Variants in CNIH3 observed in about 807,000 individuals in gnomAD.
The protein encoded by CNIH3 is cornichon family AMPA receptor auxiliary protein 3.
A neutral mutation model predicts 24.1 loss-of-function variants in CNIH3; 14 were observed. The observed-to-expected ratio is 0.58, with a 90% CI of 0.38 to 0.91. The LOEUF (loss-of-function observed/expected upper bound fraction) is 0.91. Among genes scored for constraint, CNIH3 ranks in the 40% least tolerant of loss-of-function variants. CNIH3 has a pLI of 0.00. For missense variants in CNIH3, 178 were observed against 196.8 expected, an observed-to-expected ratio of 0.90 and a Z score of 0.57; for synonymous variants, 68 against 73.8, an observed-to-expected ratio of 0.92 and a Z score of 0.40.
intron 1 of CNIH3, among the ~76,000 whole-genome samples, chr1:224,673,881 G>T (rs895555485): frequency 4.6e-5 from 7 of 152,088 alleles, no homozygotes; most frequent in African/African-American, 1.4e-4. Context: ...GCAGCACAGC[G>T]TGCTGGATGG....
At chr1:224,729,933 C>G (rs1006373610) in intron 3 of CNIH3, among the ~76,000 whole-genome samples, 3 of 152,226 alleles carry the variant, frequency 2.0e-5, no homozygotes, top group Non-Finnish European at 4.4e-5. Context: ...CATCCACCAT[C>G]AGGCAAAATG....
chr1:224,445,046 C>A (rs895358682), intron 1 of CNIH3, among the ~76,000 whole-genome samples: 1 of 151,708 alleles, frequency 6.6e-6, no homozygotes, highest in African/African-American at 2.4e-5. Context: ...GTGAACGTAC[C>A]CGTGAAACCA....
intron 1 of CNIH3, among the ~76,000 whole-genome samples, chr1:224,643,095 G>A (rs781604935): frequency 3.3e-5 from 5 of 152,274 alleles, no homozygotes; most frequent in Non-Finnish European, 5.9e-5. Flanking sequence ...GTTGATGGTC[G>A]AGGCGTGTGT....
At chr1:224,590,026 GC>G (rs1681683335), downstream of CNIH3, among the ~76,000 whole-genome samples, 1 of 152,096 alleles carries the variant, frequency 6.6e-6, no homozygotes, top group African/African-American at 2.4e-5. Context: ...ACAGGCATGA[GC>G]CGCCAGGCCT....
intron 3 of CNIH3, among the ~76,000 whole-genome samples, chr1:224,718,525 T>A (rs1370613217): frequency 6.6e-6 from 1 of 152,046 alleles, no homozygotes; most frequent in Non-Finnish European, 1.5e-5. Flanking sequence ...CATTGGAGGG[T>A]TAAGCCAAAA....
intron 1 of CNIH3, among the ~76,000 whole-genome samples, chr1:224,673,000 G>C (rs1685944492): frequency 3.3e-5 from 5 of 152,064 alleles, no homozygotes; most frequent in Admixed American, 3.3e-4. Context: ...CGAGTCCCTG[G>C]GTATGACTTG....
chr1:224,502,652 A>G (rs1382699114), intron 1 of CNIH3, among the ~76,000 whole-genome samples: 1 of 152,148 alleles, frequency 6.6e-6, no homozygotes, highest in Non-Finnish European at 1.5e-5. Context: ...TCCAGTAATT[A>G]CTGAGCAACC....
At chr1:224,618,437 C>T (rs1177866125) in intron 1 of CNIH3, among the ~76,000 whole-genome samples, 5 of 152,156 alleles carry the variant, frequency 3.3e-5, no homozygotes, top group African/African-American at 4.8e-5. Flanking sequence ...AAAATGAAGA[C>T]GTGGAGAAAA....
intron 1 of CNIH3, among the ~76,000 whole-genome samples, chr1:224,662,682 G>A (rs1271826920): frequency 2.0e-5 from 3 of 152,160 alleles, no homozygotes; most frequent in Non-Finnish European, 2.9e-5. Flanking sequence ...TAATTTATGG[G>A]TTCCTTTTTA....
chr1:224,637,656 G>A (rs1684161276), intron 1 of CNIH3, among the ~76,000 whole-genome samples: 1 of 152,204 alleles, frequency 6.6e-6, no homozygotes, highest in Non-Finnish European at 1.5e-5. Flanking sequence ...CACAGGAACG[G>A]ATCATGAACA....
intron 4 of CNIH3, among the ~76,000 whole-genome samples, chr1:224,572,160 C>T (rs1345912561): frequency 2.6e-5 from 4 of 152,154 alleles, no homozygotes. Context: ...CAACTAAACT[C>T]TACTTCTGGT....
chr1:224,558,454 T>C (rs1651596445), intron 3 of CNIH3, among the ~76,000 whole-genome samples: 1 of 152,138 alleles, frequency 6.6e-6, no homozygotes, highest in South Asian at 2.1e-4. Context: ...TGATTGGCAG[T>C]GGGAGAACAA....
intron 1 of CNIH3, among the ~76,000 whole-genome samples, chr1:224,484,388 C>T (rs1310813922): frequency 6.6e-6 from 1 of 151,824 alleles, no homozygotes; most frequent in Non-Finnish European, 1.5e-5. Flanking sequence ...CGAGATCACG[C>T]CACTGCACTC....
chr1:224,616,324 C>T lies in CNIH3; in HGVS notation c.-851C>T. On this transcript the variant is annotated 5_prime_UTR_variant, in exon 1 of 6. Coordinates refer to ENST00000272133, the MANE Select transcript of CNIH3 (RefSeq NM_152495.2). ...CGCACCGCTACAGTTCTCGCAGTGGCAAAGGCGGCGGCGGCGGCGGCGGCA... is the reference window on the plus strand; with the variant it reads ...CGCACCGCTACAGTTCTCGCAGTGGTAAAGGCGGCGGCGGCGGCGGCGGCA... 2.8e-6 allele frequency: 1 copy of T among 360,492 alleles called. No individual in the cohort carries two copies. The highest frequency in any genetic ancestry group is 4.2e-6 in the Non-Finnish European group (1 of 237,528). 22.3% of individuals were successfully genotyped at this position (360,492 alleles called of 1,614,324 possible).
downstream of CNIH3, among the ~76,000 whole-genome samples, chr1:224,541,226 C>G (rs942709695): frequency 6.6e-6 from 1 of 152,132 alleles, no homozygotes; most frequent in South Asian, 2.1e-4. Context: ...AGATGAGTAC[C>G]GTGGTGGAGA....
chr1:224,564,582 C>T (rs1413897299), intron 3 of CNIH3, among the ~76,000 whole-genome samples: 2 of 152,228 alleles, frequency 1.3e-5, no homozygotes, highest in Non-Finnish European at 2.9e-5. Flanking sequence ...TGAGAAATCA[C>T]ACAATGCATC....
intron 1 of CNIH3, among the ~76,000 whole-genome samples, chr1:224,669,469 C>T (rs1685757022): frequency 6.6e-6 from 1 of 152,176 alleles, no homozygotes; most frequent in Non-Finnish European, 1.5e-5. Context: ...ACAGGATGGG[C>T]CATGCTGGCT....
At chr1:224,538,488 A>G (rs769954412), downstream of CNIH3, among the ~76,000 whole-genome samples, 2 of 152,054 alleles carry the variant, frequency 1.3e-5, no homozygotes, top group African/African-American at 2.4e-5. Flanking sequence ...TGAGGTTGCT[A>G]TATATACAGG....
intron 1 of CNIH3, among the ~76,000 whole-genome samples, chr1:224,640,290 A>T (rs1684293018): frequency 1.3e-5 from 2 of 152,222 alleles, no homozygotes; most frequent in African/African-American, 4.8e-5. Context: ...TCTGAGCGGC[A>T]CTTTTCTCAT....
Sources: allele counts gnomAD v4.1 joint callset (sites outside exome capture counted in the v4.1 genomes callset), GRCh38; gene constraint gnomAD v4.1.1; transcripts MANE v1.5; gene names NCBI Gene and HGNC (gene_info 2026-07-23, HGNC 2026-07-21).